Variants in DOCK9 observed in about 807,000 individuals in gnomAD.
DOCK9 encodes dedicator of cytokinesis protein 9.
DOCK9 carries 89 observed loss-of-function variants against 263.3 expected under a neutral mutation model. The ratio of observed to expected loss-of-function variants is 0.34; its 90% CI spans 0.28 to 0.40. DOCK9 has a LOEUF of 0.40. Among genes scored for constraint, DOCK9 ranks in the 10% least tolerant of loss-of-function variants. The probability of loss-of-function intolerance (pLI) is 1.00; values close to 1 mark genes in which losing one functional copy is unlikely to be tolerated. For missense variants in DOCK9, 2,140 were observed against 2,603.4 expected, an observed-to-expected ratio of 0.82 and a Z score of 3.87; for synonymous variants, 976 against 973.1, an observed-to-expected ratio of 1.00 and a Z score of -0.06.
Position 98,797,150 on chromosome 13 carries a change from T to A in DOCK9, c.6121A>T (p.Met2041Leu), listed in dbSNP as rs1320451184. Residue 2041 changes from methionine (M) to leucine (L), a missense_variant, in exon 52 of 53, where the codon ATG becomes TTG. This residue lies in a region of DOCK9 where 619 missense variants were observed against 861.8 expected (regional missense o/e 0.72). Transcript: ENST00000682017. Reference sequence around the variant, plus strand: ...ATGATTTCAGAAAGCTCCTTCGCCATTTCCCTGTAGTTGGCTTTCATTTCT... The same window carrying A: ...ATGATTTCAGAAAGCTCCTTCGCCAATTCCCTGTAGTTGGCTTTCATTTCT... The part of the protein sequence containing the change: ...QEEMKANYRE[M>L]AKELSEIMHE... The A allele has an allele frequency of 6.2e-7, 1 of 1,614,040 alleles. No homozygotes were observed. Among genetic ancestry groups the A allele is most frequent in the Non-Finnish European group, 8.5e-7 (1 of 1,179,886 alleles).
Position 99,012,848 on chromosome 13 carries a change from T to C in DOCK9, c.130-57297A>G, listed in dbSNP as rs1453458449. Among the ~76,000 whole-genome samples, 3 of 152,226 alleles carry C rather than the reference T, an allele frequency of 2.0e-5. No individual in the cohort carries two copies. In the East Asian group the frequency reaches 5.8e-4, roughly 29 times the overall value. The stretch of plus-strand genomic sequence containing the variant: ...CTAGGGAGTGGAATGGTCAACAGGC[T>C]CAGAGAGATCATTAACAGAGAGCCA... On this transcript the variant is annotated intron_variant, in intron 1 of 32. Coordinates refer to the DOCK9 transcript ENST00000427887.
At chr13:99,008,204 CTCTCTCTCTATATA>C (rs1464196364) in intron 1 of DOCK9, among the ~76,000 whole-genome samples, 13 of 93,206 alleles carry the variant, frequency 1.4e-4, no homozygotes, top group Non-Finnish European at 1.0e-4. Flanking sequence ...CTCTCTCTCT[CTCTCTCTCTATATA>C]TATATATATA....
intron 23 of DOCK9, 122 bp from the exon 24 acceptor site, chr13:98,882,129 G>A (rs1440716573): frequency 3.8e-6 from 3 of 792,548 alleles, no homozygotes; most frequent in Non-Finnish European, 6.3e-6. Context: ...AGGCTGTGGT[G>A]GGCAGAATGT....
rs1201883311 is a variant in DOCK9, at chr13:98,921,021, T to C, written c.650A>G (p.Lys217Arg). 2 of 1,603,516 alleles carry C rather than the reference T, an allele frequency of 1.2e-6. No homozygotes were observed. Among genetic ancestry groups the C allele is most frequent in the Non-Finnish European group, 1.7e-6 (2 of 1,174,300 alleles). The change falls in exon 7 of 53, where the codon AAA (lysine) becomes AGA (arginine). Residue 217 changes from lysine (K) to arginine (R), a missense_variant. This residue lies in a region of DOCK9 where 1,521 missense variants were observed against 1,741.7 expected (regional missense o/e 0.87). Transcript: ENST00000682017. ...GDGSYNLNFYKDEKISKEPKG... is the reference protein window; with the variant it reads ...GDGSYNLNFYRDEKISKEPKG... ...TGGTTCTTTGGAGATCTTTTCATCT[T>C]TATAAAAATTCAAATTATAGGATCC...
intron 35 of DOCK9, among the ~76,000 whole-genome samples, chr13:98,850,516 A>G (rs1288499620): frequency 1.4e-5 from 2 of 138,436 alleles, no homozygotes; most frequent in African/African-American, 5.3e-5. Context: ...AAATCTTTGC[A>G]TATTACACAC....
chr13:98,800,339 C>G lies in DOCK9; in HGVS notation c.5865G>C (p.Glu1955Asp). ...AELRQLCSSA[E>D]VDMIKLQLKL... ...TGAGCTGCAGTTTGATCATGTCCAC[C>G]TCGGCCGAGGAGCACAGCTGCCGGA... Residue 1955 changes from glutamate to aspartate, a missense_variant, in exon 50 of 53, where the codon GAG (glutamate) becomes GAC (aspartate). Glu to Asp is a conservative substitution (Grantham distance 45). Around this residue, in one of 2 missense-constraint regions of DOCK9, gnomAD observed 619 missense variants for 861.8 expected, o/e 0.72. Transcript: ENST00000682017. The G allele has an allele frequency of 1.2e-6, 2 of 1,612,206 alleles. No homozygotes were observed. Among genetic ancestry groups the G allele is most frequent in the Non-Finnish European group, 1.7e-6 (2 of 1,179,194 alleles).
At chr13:98,927,098 A>T (rs1013531107) in intron 3 of DOCK9, among the ~76,000 whole-genome samples, 3 of 152,268 alleles carry the variant, frequency 2.0e-5, no homozygotes, top group Non-Finnish European at 4.4e-5. Context: ...AAGGTAATGT[A>T]AGTTTTTAAA....
intron 27 of DOCK9, among the ~76,000 whole-genome samples, chr13:98,875,119 G>T (rs904868213): frequency 3.9e-5 from 6 of 152,124 alleles, no homozygotes; most frequent in African/African-American, 1.2e-4. Flanking sequence ...GCACCTTCCT[G>T]CACACTGCTC....
At chr13:98,837,964 G>A (rs1392321845) in intron 38 of DOCK9, among the ~76,000 whole-genome samples, 1 of 152,132 alleles carries the variant, frequency 6.6e-6, no homozygotes, top group Non-Finnish European at 1.5e-5. Flanking sequence ...AACCCTTGGT[G>A]GAGATAAGGA....
At chr13:99,063,919 G>C (rs1158552703) in intron 1 of DOCK9, among the ~76,000 whole-genome samples, 3 of 151,994 alleles carry the variant, frequency 2.0e-5, no homozygotes, top group African/African-American at 7.3e-5. Context: ...TTCACGCTGA[G>C]GAGCACTCCC....
chr13:99,050,369 A>G (rs2040630261), intron 1 of DOCK9, among the ~76,000 whole-genome samples: 1 of 152,142 alleles, frequency 6.6e-6, no homozygotes, highest in Non-Finnish European at 1.5e-5. Flanking sequence ...AAACAGTATG[A>G]CCTTGCATGA....
intron 6 of DOCK9, 61 bp downstream of exon 6, chr13:98,921,990 C>G: frequency 7.4e-7 from 1 of 1,352,168 alleles, no homozygotes; most frequent in Non-Finnish European, 1.0e-6. Flanking sequence ...GAGCATTGTT[C>G]TCGAGCTCTA....
At chr13:98,887,257 G>T (rs1394773566) in intron 18 of DOCK9, among the ~76,000 whole-genome samples, 1 of 147,584 alleles carries the variant, frequency 6.8e-6, no homozygotes, top group East Asian at 2.1e-4. Context: ...GCCCGGGTTT[G>T]AATCTTGGTT....
At chr13:98,975,793 C>T (rs2060212354) in intron 1 of DOCK9, among the ~76,000 whole-genome samples, 2 of 152,174 alleles carry the variant, frequency 1.3e-5, no homozygotes, top group East Asian at 1.9e-4. Context: ...TACATTTAAA[C>T]GTCTCTAGGT....
intron 9 of DOCK9, among the ~76,000 whole-genome samples, chr13:98,908,189 T>C (rs2049407673): frequency 6.6e-6 from 1 of 152,124 alleles, no homozygotes; most frequent in Non-Finnish European, 1.5e-5. Context: ...TATGAAAATA[T>C]GAAAAATATC....
At chr13:99,021,225 T>C (rs907595123) in intron 1 of DOCK9, among the ~76,000 whole-genome samples, 3 of 152,214 alleles carry the variant, frequency 2.0e-5, no homozygotes, top group African/African-American at 7.2e-5. Flanking sequence ...TCCCTGATAA[T>C]GAGACTAAAA....
chr13:99,066,863 T>C (rs965517802), intron 1 of DOCK9, among the ~76,000 whole-genome samples: 2 of 152,216 alleles, frequency 1.3e-5, no homozygotes, highest in Non-Finnish European at 2.9e-5. Context: ...ATCTCATTCA[T>C]GGTAATTTCT....
chr13:99,019,796 G>T (rs1282646355), intron 1 of DOCK9, among the ~76,000 whole-genome samples: 1 of 152,096 alleles, frequency 6.6e-6, no homozygotes, highest in Non-Finnish European at 1.5e-5. Context: ...TCTCAAAGCT[G>T]CTATTAAGAA....
intron 1 of DOCK9, among the ~76,000 whole-genome samples, chr13:98,983,912 C>T (rs894571950): frequency 4.6e-5 from 7 of 152,090 alleles, no homozygotes; most frequent in Admixed American, 1.3e-4. Context: ...CCACTGTGCC[C>T]GGCCTCCTCA....
Sources: allele counts gnomAD v4.1 joint callset (sites outside exome capture counted in the v4.1 genomes callset), GRCh38; gene constraint gnomAD v4.1.1; regional missense constraint gnomAD v4.1.1; transcripts MANE v1.5; gene names NCBI Gene and HGNC (gene_info 2026-07-23, HGNC 2026-07-21).